Variants in CFH observed in about 807,000 individuals in gnomAD.
The protein encoded by CFH is H factor 1 (complement).
In CFH, 53 loss-of-function variants were observed where a neutral mutation model predicts 147.3. That is an observed-to-expected ratio of 0.36 (90% CI 0.29 to 0.45). The LOEUF (loss-of-function observed/expected upper bound fraction) is 0.45. Among genes scored for constraint, CFH ranks in the 20% least tolerant of loss-of-function variants. The pLI is 1.00. For missense variants in CFH, 1,380 were observed against 1,498.0 expected, an observed-to-expected ratio of 0.92 and a Z score of 1.30; for synonymous variants, 536 against 489.4, an observed-to-expected ratio of 1.10 and a Z score of -1.26.
At chr1:196,712,199 C>T (rs1431623618) in intron 9 of CFH, among the ~76,000 whole-genome samples, 1 of 151,898 alleles carries the variant, frequency 6.6e-6, no homozygotes, top group Non-Finnish European at 1.5e-5. Flanking sequence ...GTTCCATTTC[C>T]TTATTTGTGG....
intron 1 of CFH, among the ~76,000 whole-genome samples, chr1:196,652,865 AT>A (rs1251837505): frequency 6.6e-6 from 1 of 151,828 alleles, no homozygotes; most frequent in Non-Finnish European, 1.5e-5. Context: ...CAGTAAGACA[AT>A]TTCTGGATTC....
chr1:196,728,250 A>G (rs1669194069), intron 14 of CFH, 96 bp from the exon 15 acceptor site: 2 of 868,316 alleles, frequency 2.3e-6, no homozygotes, highest in African/African-American at 3.4e-5. Flanking sequence ...TCATAATTTT[A>G]CCATGCTAAT....
intron 18 of CFH, 56 bp from the exon 19 acceptor site, chr1:196,741,819 G>T (rs1215823723): frequency 2.7e-6 from 4 of 1,480,178 alleles, no homozygotes; most frequent in Non-Finnish European, 3.8e-6. Context: ...TACATGTATT[G>T]TATGTAACCT....
intron 1 of CFH, among the ~76,000 whole-genome samples, chr1:196,666,977 CAG>C (rs1240610307): frequency 1.3e-5 from 2 of 151,716 alleles, no homozygotes; most frequent in East Asian, 2.0e-4. Context: ...TTGTTGAAGA[CAG>C]TGTTTTATTA....
At chr1:196,664,719 A>G (rs935623669) in intron 1 of CFH, among the ~76,000 whole-genome samples, 1 of 152,118 alleles carries the variant, frequency 6.6e-6, no homozygotes, top group African/African-American at 2.4e-5. Context: ...ATATTACCCA[A>G]ACCACAATTT....
chr1:196,677,869 C>T (rs1667512107), intron 5 of CFH: 2 of 549,162 alleles, frequency 3.6e-6, no homozygotes, highest in African/African-American at 3.8e-5. Context: ...TTTACTTACT[C>T]ATCACTTTCA....
chr1:196,661,457 A>G (rs1356673367), intron 1 of CFH, among the ~76,000 whole-genome samples: 1 of 152,220 alleles, frequency 6.6e-6, no homozygotes, highest in Non-Finnish European at 1.5e-5. Context: ...AAAGTCTAAC[A>G]GCAAGATAGT....
At chr1:196,712,368 T>A (rs1487661064) in intron 9 of CFH, among the ~76,000 whole-genome samples, 1 of 151,498 alleles carries the variant, frequency 6.6e-6, no homozygotes, top group African/African-American at 2.4e-5. Context: ...TAATTTATTA[T>A]AAATAATAAT....
intron 16 of CFH, 56 bp downstream of exon 16, chr1:196,737,062 T>G: frequency 5.2e-5 from 74 of 1,430,582 alleles, no homozygotes; most frequent in Middle Eastern, 2.0e-4. Context: ...TAATATTCTC[T>G]TGTGCTTCGT....
At chr1:196,700,292 A>C (rs568233359) in intron 9 of CFH, among the ~76,000 whole-genome samples, 1 of 152,180 alleles carries the variant, frequency 6.6e-6, no homozygotes, top group Non-Finnish European at 1.5e-5. Context: ...TCTCTGTTGC[A>C]AACTCCACTG....
At chr1:196,685,652 C>T (rs1417995699) in intron 7 of CFH, among the ~76,000 whole-genome samples, 1 of 152,062 alleles carries the variant, frequency 6.6e-6, no homozygotes, top group Non-Finnish European at 1.5e-5. Context: ...GTGAATCAGA[C>T]TGTCTTCTTG....
chr1:196,658,083 A>G lies in CFH; in HGVS notation c.58+5908A>G, dbSNP rs185291226. Among the ~76,000 whole-genome samples the G allele has an allele frequency of 3.3e-5, 5 of 152,272 alleles. No individual in the cohort carries two copies. In the South Asian group the frequency reaches 1.0e-3, roughly 32 times the overall value. On this transcript the variant is annotated intron_variant, in intron 1 of 21. Coordinates refer to ENST00000367429, the MANE Select transcript of CFH (RefSeq NM_000186.4). ...AAATTTGAAAGTGAAAAAATTAGGT[A>G]AATTAAGATTATTAAAATATTAAGT...
intron 15 of CFH, among the ~76,000 whole-genome samples, chr1:196,732,936 T>C (rs1270587953): frequency 6.6e-6 from 1 of 152,122 alleles, no homozygotes; most frequent in Non-Finnish European, 1.5e-5. Context: ...GCTCTGATCC[T>C]GAAGAGGTAT....
At chr1:196,691,043 G>T (rs1429040669) in intron 9 of CFH, among the ~76,000 whole-genome samples, 3 of 152,010 alleles carry the variant, frequency 2.0e-5, no homozygotes, top group Admixed American at 6.6e-5. Flanking sequence ...GGCTCCTCTT[G>T]TTAGAAAAGA....
At chr1:196,705,419 A>T (rs1404402783) in intron 9 of CFH, among the ~76,000 whole-genome samples, 1 of 152,060 alleles carries the variant, frequency 6.6e-6, no homozygotes, top group Non-Finnish European at 1.5e-5. Flanking sequence ...TCATTTTCTT[A>T]TTTTGGGCTT....
intron 14 of CFH, 97 bp downstream of exon 14, chr1:196,727,037 C>A: frequency 1.9e-6 from 2 of 1,074,362 alleles, no homozygotes; most frequent in Non-Finnish European, 1.4e-6. Context: ...TACAGATATG[C>A]CTCAACATTT....
intron 16 of CFH, 144 bp downstream of exon 16, chr1:196,737,150 C>G: frequency 1.4e-6 from 1 of 737,262 alleles, no homozygotes; most frequent in Non-Finnish European, 2.2e-6. Flanking sequence ...GCACATTAAT[C>G]AATCACCACT....
Position 196,728,363 on chromosome 1 carries a change from A to G in CFH, c.2254A>G (p.Lys752Glu). Reference protein sequence around the residue: ...PQCVAIDKLKKCKSSNLIILE... With the variant: ...PQCVAIDKLKECKSSNLIILE... ...TTTTATAGCAATAGATAAACTTAAG[A>G]AGTGCAAATCATCAAATTTAATTAT... The change falls in exon 15 of 22, where the codon AAG becomes GAG. Residue 752 changes from lysine (K) to glutamate (E), a missense_variant. By Grantham distance (56) the Lys-to-Glu change is moderately conservative. Coordinates refer to ENST00000367429, the MANE Select transcript of CFH (RefSeq NM_000186.4). 1 of 1,533,178 alleles carries G rather than the reference A, an allele frequency of 6.5e-7. No individual in the cohort carries two copies. Among genetic ancestry groups the G allele is most frequent in the Admixed American group, 1.8e-5 (1 of 54,942 alleles). The allele number at this position is 1,533,178 out of a possible 1,614,324, so 95.0% of individuals were successfully genotyped here. A position where few individuals can be genotyped will look rare whatever the true frequency, so the allele number is the denominator to read the frequency against.
intron 15 of CFH, among the ~76,000 whole-genome samples, chr1:196,736,386 T>G (rs1669401535): frequency 1.3e-5 from 2 of 152,102 alleles, no homozygotes; most frequent in Admixed American, 1.3e-4. Context: ...CTAATCAGAT[T>G]CCATTGGCAG....
Sources: gnomAD v4.1 joint callset for allele counts (sites outside exome capture counted in the v4.1 genomes callset) on GRCh38, gnomAD v4.1.1 for gene constraint, MANE v1.5 for transcripts, NCBI Gene and HGNC (gene_info 2026-07-23, HGNC 2026-07-21) for gene names.